Variants in NBPF12 observed in about 807,000 individuals in gnomAD.
The protein encoded by NBPF12 is NBPF member 12, also known as NBPF family member NBPF12.
Under a neutral mutation model 146.4 loss-of-function variants are expected in NBPF12, and 115 were observed. The ratio of observed to expected loss-of-function variants is 0.79; its 90% CI spans 0.68 to 0.92. The LOEUF (loss-of-function observed/expected upper bound fraction) is 0.92, where lower values mean the gene tolerates loss of function less well. Ranked by LOEUF, NBPF12 falls within the 40% of genes least tolerant of loss-of-function variation. The pLI is 0.00. For synonymous variants in NBPF12, 385 were observed against 508.9 expected, an observed-to-expected ratio of 0.76 and a Z score of 3.28; for missense variants, 1,205 against 1,326.8, an observed-to-expected ratio of 0.91 and a Z score of 1.43.
intron 11 of NBPF12, among the ~76,000 whole-genome samples, chr1:146,970,118 A>G (rs1656494888): frequency 6.6e-6 from 1 of 150,558 alleles, no homozygotes; most frequent in Non-Finnish European, 1.5e-5. Context: ...GTGTTGGGGA[A>G]GGCACTTGAT....
At chr1:146,980,754 A>G (rs1458549663) in intron 19 of NBPF12, among the ~76,000 whole-genome samples, 11 of 148,418 alleles carry the variant, frequency 7.4e-5, no homozygotes, top group African/African-American at 1.7e-4. Context: ...TAGAAATACC[A>G]TTTGACCCAG....
At chr1:146,968,612 C>T in intron 10 of NBPF12, 62 bp downstream of exon 13, 1 of 1,498,890 alleles carries the variant, frequency 6.7e-7, no homozygotes, top group Non-Finnish European at 9.3e-7. Flanking sequence ...AGTACAACAG[C>T]TCGGTGGGGA....
At chr1:146,969,321 A>G in intron 10 of NBPF12, 61 bp from the exon 14 acceptor site, 5 of 697,216 alleles carry the variant, frequency 7.2e-6, no homozygotes, top group Middle Eastern at 4.0e-4. Context: ...CTCTGTTGCA[A>G]TATTTGAACG....
rs1553886602 is a variant in NBPF12, at chr1:146,972,211, T to A, written c.1592-540T>A. ...GGAGTTCGAAACCAGCCTGTCCAAGTTGGCGAAACCCCATCTCTACTAAAA... is the reference window on the plus strand; with the variant it reads ...GGAGTTCGAAACCAGCCTGTCCAAGATGGCGAAACCCCATCTCTACTAAAA... On this transcript the variant is annotated intron_variant, in intron 13 of 33. Transcript: ENST00000617844. Among the ~76,000 whole-genome samples the A allele has an allele frequency of 1.3e-3, 188 of 146,424 alleles. 9 individuals are homozygous for A. The highest frequency in any genetic ancestry group is 3.7e-3 in the African/African-American group (142 of 38,492).
chr1:146,971,266 C>A lies in NBPF12; in HGVS notation c.1463C>A (p.Pro488His), dbSNP rs1351674546. The A allele has an allele frequency of 7.4e-6, 12 of 1,612,436 alleles. No homozygotes were observed. In the African/African-American group the frequency reaches 8.1e-5, roughly 11 times the overall value. The change falls in exon 13 of 34, where the codon CCT becomes CAT. Residue 488 changes from proline (P) to histidine (H), a missense_variant. By Grantham distance (77) the Pro-to-His change is moderately conservative. Around this residue, in one of 16 missense-constraint regions of NBPF12, gnomAD observed 278 missense variants for 203.1 expected, o/e 1.37. Transcript: ENST00000617844. ...ATCACTTGTTCAAATAGCCACGGCC[C>A]TTGTGACTCCAACCAGCCTCACAAG...
chr1:146,952,336 G>T (rs1655360174), intron 2 of NBPF12, among the ~76,000 whole-genome samples: 1 of 152,102 alleles, frequency 6.6e-6, no homozygotes, highest in Admixed American at 6.5e-5. Context: ...GTGGTTCTCT[G>T]TGAGCATCTC....
exon 34 of NBPF12, chr1:146,994,425 A>C: frequency 1.2e-6 from 2 of 1,612,148 alleles, no homozygotes; most frequent in Non-Finnish European, 1.7e-6. Context: ...ACTTTGAACT[A>C]CCTGACTCAT....
intron 11 of NBPF12, among the ~76,000 whole-genome samples, chr1:146,969,947 G>T (rs1188467610): frequency 1.3e-5 from 2 of 150,888 alleles, no homozygotes; most frequent in Non-Finnish European, 2.9e-5. Context: ...TTTTGGCAAT[G>T]TTCTTAGTAA....
At chr1:146,943,615 A>C in intron 2 of NBPF12, 53 bp downstream of exon 2, 1 of 977,684 alleles carries the variant, frequency 1.0e-6, no homozygotes, top group Non-Finnish European at 1.3e-6. Context: ...TCCTCTTTCT[A>C]TTATGACTCA....
At chr1:146,966,830 C>G (rs1454728835) in intron 9 of NBPF12, among the ~76,000 whole-genome samples, 157 bp downstream of exon 12, 2 of 149,114 alleles carry the variant, frequency 1.3e-5, no homozygotes, top group African/African-American at 5.1e-5. Flanking sequence ...AGTTGGAAGA[C>G]AGAGGTACCA....
chr1:146,956,581 C>T lies in NBPF12; in HGVS notation c.-183-3278C>T, dbSNP rs1411860066. On this transcript the variant is annotated intron_variant, in intron 2 of 33. Transcript: ENST00000617844. Reference sequence around the variant, plus strand: ...AGCTAGAAAATGAAATTCAATAAAACATAATAGAGATTAATAGCCAGAATC... The same window carrying T: ...AGCTAGAAAATGAAATTCAATAAAATATAATAGAGATTAATAGCCAGAATC... Among the ~76,000 whole-genome samples the T allele has an allele frequency of 1.9e-3, 292 of 151,864 alleles. 1 individual carries two copies. The highest frequency in any genetic ancestry group is 2.6e-3 in the Non-Finnish European group (174 of 67,994).
At chr1:146,994,598 G>T (rs112216398) in exon 34 of NBPF12, 13 of 1,589,364 alleles carry the variant, frequency 8.2e-6, no homozygotes, top group South Asian at 1.1e-5. Flanking sequence ...AAGCCGAGAG[G>T]TTTCATTCCT....
chr1:146,967,863 T>C (rs1479950135), intron 9 of NBPF12, among the ~76,000 whole-genome samples: 1 of 142,048 alleles, frequency 7.0e-6, no homozygotes, highest in Non-Finnish European at 1.5e-5. Flanking sequence ...GTTTCTAAAT[T>C]AACAGAAACT....
chr1:146,963,518 T>G (rs1467975181), intron 6 of NBPF12, among the ~76,000 whole-genome samples: 1 of 151,934 alleles, frequency 6.6e-6, no homozygotes, highest in African/African-American at 2.4e-5. Context: ...CCTCCTTCCT[T>G]GATGGAAGGT....
intron 2 of NBPF12, 82 bp downstream of exon 5, chr1:146,951,571 CTCTAA>C (rs1328952090): frequency 4.0e-6 from 2 of 500,294 alleles, no homozygotes; most frequent in Non-Finnish European, 3.6e-6. Context: ...TTATTTTTCT[CTCTAA>C]TCTAGCCCAT....
exon 34 of NBPF12, chr1:146,994,483 A>G: frequency 6.2e-7 from 1 of 1,607,266 alleles, no homozygotes; most frequent in Non-Finnish European, 8.5e-7. Context: ...ACAGCACATC[A>G]CCTTTGCCCT....
chr1:146,972,548 TATGTCCTGGTTTCAAGGTGACTGC>T (rs1271387833), intron 13 of NBPF12, among the ~76,000 whole-genome samples, 179 bp from the exon 17 acceptor site: 1 of 151,608 alleles, frequency 6.6e-6, no homozygotes, highest in Non-Finnish European at 1.5e-5. Flanking sequence ...TAGAAGTGTT[TATGTCCTGGTTTCAAGGTGACTGC>T]ATAGCTAAGA....
intron 4 of NBPF12, among the ~76,000 whole-genome samples, chr1:146,961,069 C>T (rs1312151892): frequency 6.6e-6 from 1 of 151,928 alleles, no homozygotes; most frequent in Non-Finnish European, 1.5e-5. Context: ...GCCTTTGAAC[C>T]CAGCAGGCAG....
At position 146,963,281 on chromosome 1, in the gene NBPF12, A is replaced by G. The variant is rs1655975780; in HGVS notation, c.465A>G (p.Ala155=). The change falls in exon 6 of 34, where the codon GCA becomes GCG. Residue 155 remains alanine (A), a synonymous_variant. Transcript: ENST00000617844. ...AGCTGGCTGAGGGGTGTAGACTGGC[A>G]CAGCAACTTGTCCAAAAGCTCAGCC... is the stretch of plus-strand genomic sequence containing the variant. 11 of 1,612,024 alleles carry G rather than the reference A, an allele frequency of 6.8e-6. No individual in the cohort carries two copies. The South Asian group carries it at 1.1e-4, about 16-fold the overall frequency.
Sources: gnomAD v4.1 joint callset for allele counts (sites outside exome capture counted in the v4.1 genomes callset) on GRCh38, gnomAD v4.1.1 for gene constraint, gnomAD v4.1.1 regional missense constraint, MANE v1.5 for transcripts, NCBI Gene and HGNC (gene_info 2026-07-23, HGNC 2026-07-21) for gene names.